The following ZNF722 variants were observed in gnomAD, a reference collection of about 807,000 sequenced individuals.
ZNF722 encodes zinc finger protein 479 pseudogene.
chr7:64,014,497 C>A, the ZNF722 span, among the ~76,000 whole-genome samples: 1 of 152,046 alleles, frequency 6.6e-6, no homozygotes, highest in East Asian at 1.9e-4. Context: ...AGCCTGAAAC[C>A]AATTGTATTG....
the ZNF722 span, chr7:63,998,849 C>A: frequency 7.9e-7 from 1 of 1,259,032 alleles, no homozygotes; most frequent in Non-Finnish European, 1.1e-6. Flanking sequence ...TTTGCGGGTC[C>A]TTTTGTGCTT....
chr7:64,011,695 T>A, the ZNF722 span, among the ~76,000 whole-genome samples: 1 of 152,156 alleles, frequency 6.6e-6, no homozygotes, highest in African/African-American at 2.4e-5. Context: ...TTTCCTTCAT[T>A]TCAACTTTGG....
chr7:64,011,929 T>G, the ZNF722 span, among the ~76,000 whole-genome samples: 1 of 152,166 alleles, frequency 6.6e-6, no homozygotes, highest in East Asian at 1.9e-4. Context: ...CCCATATTTC[T>G]TGGAGGCTTT....
chr7:64,005,049 C>T, the ZNF722 span, among the ~76,000 whole-genome samples: 6 of 151,906 alleles, frequency 3.9e-5, no homozygotes, highest in African/African-American at 7.3e-5. Flanking sequence ...AGACATGTCC[C>T]GCACTTTGGG....
chr7:64,004,425 A>AAAAAAAAAAATATATATAT, the ZNF722 span, among the ~76,000 whole-genome samples: 3 of 61,118 alleles, frequency 4.9e-5, no homozygotes, highest in African/African-American at 2.4e-4. Context: ...AAAAAAAAAA[A>AAAAAAAAAAATATATATAT]ATATATATAT....
the ZNF722 span, chr7:64,015,410 T>G: frequency 3.8e-6 from 6 of 1,565,530 alleles, no homozygotes; most frequent in Admixed American, 1.1e-4. Flanking sequence ...CCTACAAATG[T>G]GAAGAATGCG....
the ZNF722 span, chr7:64,016,195 GTGGCACAAA>G: frequency 3.6e-6 from 1 of 277,076 alleles, no homozygotes; most frequent in Non-Finnish European, 6.8e-6. Context: ...CTGCAGTGCA[GTGGCACAAA>G]CTCAGCTCAC....
the ZNF722 span, among the ~76,000 whole-genome samples, chr7:64,008,876 G>A: frequency 2.0e-5 from 3 of 152,278 alleles, no homozygotes; most frequent in South Asian, 4.1e-4. Flanking sequence ...CTATCCATGA[G>A]CATGGAATGT....
chr7:64,000,677 C>A, the ZNF722 span, among the ~76,000 whole-genome samples: 2 of 151,512 alleles, frequency 1.3e-5, no homozygotes, highest in Non-Finnish European at 2.9e-5. Context: ...TCTCAAACTC[C>A]TGGACTCAAG....
the ZNF722 span, chr7:64,005,589 G>T: frequency 3.1e-6 from 3 of 965,018 alleles, no homozygotes; most frequent in Admixed American, 3.9e-5. Context: ...AGTGTTTTTT[G>T]TTTTTGTTTT....
At chr7:64,006,330 G>T in the ZNF722 span, 1 of 1,286,940 alleles carries the variant, frequency 7.8e-7, no homozygotes, top group South Asian at 1.4e-5. Flanking sequence ...GTAGGTGAGA[G>T]CGAATGAAGC....
chr7:64,008,041 C>T, the ZNF722 span, among the ~76,000 whole-genome samples: 1 of 152,168 alleles, frequency 6.6e-6, no homozygotes, highest in Non-Finnish European at 1.5e-5. Context: ...TAAATATCTT[C>T]TTTTGAGAAG....
the ZNF722 span, chr7:63,998,901 A>T: frequency 6.7e-7 from 1 of 1,493,970 alleles, no homozygotes; most frequent in East Asian, 2.3e-5. Context: ...AGGGCTCTGC[A>T]TTCTCTGCTC....
At chr7:64,014,911 G>A in the ZNF722 span, 1 of 785,336 alleles carries the variant, frequency 1.3e-6, no homozygotes, top group Non-Finnish European at 2.0e-6. Flanking sequence ...TATGGCCTGT[G>A]GTAATTTGAT....
chr7:64,008,050 A>G, the ZNF722 span, among the ~76,000 whole-genome samples: 11 of 152,176 alleles, frequency 7.2e-5, no homozygotes, highest in Admixed American at 2.0e-4. Flanking sequence ...TCTTTTGAGA[A>G]GTGTCTGTTC....
chr7:64,004,782 A>G, the ZNF722 span, among the ~76,000 whole-genome samples: 1 of 152,070 alleles, frequency 6.6e-6, no homozygotes, highest in Non-Finnish European at 1.5e-5. Context: ...CAGGTGAGAG[A>G]AACTGGGAAA....
At chr7:64,006,188 C>A in the ZNF722 span, 3 of 1,083,042 alleles carry the variant, frequency 2.8e-6, no homozygotes, top group Non-Finnish European at 2.6e-6. Context: ...AAGAATTCAG[C>A]AAGATTTATC....
the ZNF722 span, chr7:64,016,070 TAAATGTAAAA>T: frequency 1.7e-6 from 1 of 598,158 alleles, no homozygotes; most frequent in Non-Finnish European, 2.8e-6. Flanking sequence ...AAAAATTTTA[TAAATGTAAAA>T]AAATGTAACA....
At chr7:64,012,027 T>C in the ZNF722 span, among the ~76,000 whole-genome samples, 4 of 152,178 alleles carry the variant, frequency 2.6e-5, no homozygotes, top group Non-Finnish European at 5.9e-5. Context: ...AATTTGATCT[T>C]CAATCACTGA....
Sources: gnomAD v4.1 joint callset for allele counts (sites outside exome capture counted in the v4.1 genomes callset) on GRCh38, gnomAD v4.1.1 for gene constraint, MANE v1.5 for transcripts, NCBI Gene and HGNC (gene_info 2026-07-23, HGNC 2026-07-21) for gene names.